Variants in BCAR3 observed in about 807,000 individuals in gnomAD.
The protein encoded by BCAR3 is BCAR3 adaptor protein, NSP family member, also known as breast cancer anti-estrogen resistance protein 3.
In BCAR3, 37 loss-of-function variants were observed where a neutral mutation model predicts 80.1. The observed-to-expected ratio is 0.46, with a 90% confidence interval of 0.36 to 0.61. The LOEUF is 0.61. Ranked by LOEUF, BCAR3 falls within the 20% of genes least tolerant of loss-of-function variation. The pLI is 0.00. For missense variants in BCAR3, 978 were observed against 1,068.2 expected (o/e 0.92, Z 1.18); for synonymous variants, 389 against 418.9 (o/e 0.93, Z 0.87).
rs138811422 is a variant in BCAR3 at position 93,674,639 on chromosome 1, G to A, written c.292C>T (p.Arg98Trp). 75 of 1,613,422 alleles carry A rather than the reference G, an allele frequency of 4.6e-5. No individual in the cohort carries two copies. The African/African-American group carries it at 4.9e-4, about 11-fold the overall frequency. The change falls in exon 2 of 12, where the codon CGG becomes TGG. Residue 98 changes from arginine (R) to tryptophan (W), a missense_variant. Coordinates refer to ENST00000260502, the MANE Select transcript of BCAR3 (RefSeq NM_003567.4). ...CTGAAGGTGAAGGTTTCGCCGTGCC[G>A]GTCCTGCCATGGGCTCTCCTGGATG... ...DGIQESPWQD[R>W]HGETFTFRDP...
At chr1:93,737,104 T>C (rs2100691312) in intron 2 of BCAR3, among the ~76,000 whole-genome samples, 1 of 152,298 alleles carries the variant, frequency 6.6e-6, no homozygotes, top group East Asian at 1.9e-4. Context: ...TTTTAAGTTG[T>C]GGAGTGCTGT....
chr1:93,804,571 C>T (rs1337272546), intron 2 of BCAR3, among the ~76,000 whole-genome samples: 1 of 152,106 alleles, frequency 6.6e-6, no homozygotes, highest in African/African-American at 2.4e-5. Context: ...TAGTGTGCAG[C>T]GCTGGACAAA....
At chr1:93,623,433 G>A (rs774575387) in intron 3 of BCAR3, among the ~76,000 whole-genome samples, 2 of 152,150 alleles carry the variant, frequency 1.3e-5, no homozygotes, top group African/African-American at 2.4e-5. Context: ...GAGTAAGCAG[G>A]TGAATGACAT....
At chr1:93,831,051 C>T (rs988903244) in intron 2 of BCAR3, among the ~76,000 whole-genome samples, 7 of 152,160 alleles carry the variant, frequency 4.6e-5, no homozygotes, top group Admixed American at 2.6e-4. Flanking sequence ...ACTCTGGTGG[C>T]GGTCACAGAC....
intron 2 of BCAR3, among the ~76,000 whole-genome samples, chr1:93,673,769 C>A (rs115755151): frequency 0.014 from 2,071 of 152,312 alleles, 34 homozygotes; most frequent in African/African-American, 0.039. Context: ...CTGAAGCTGA[C>A]CTGCTGGTGC....
rs192618144 is a variant in BCAR3, at chr1:93,713,045, A to T, written c.-62-6903T>A. ...CAGTAGAACTTTCTGTAATGATGAG[A>T]ATGTTCTCTGCACTGTCCACTATGG... On this transcript the variant is annotated intron_variant, in intron 2 of 13. Coordinates refer to the BCAR3 transcript ENST00000370244. Among the ~76,000 whole-genome samples, 246 of 152,336 alleles carry T rather than the reference A, an allele frequency of 1.6e-3. 1 individual carries two copies. The highest frequency in any genetic ancestry group is 5.7e-3 in the African/African-American group (236 of 41,574).
intron 2 of BCAR3, among the ~76,000 whole-genome samples, chr1:93,645,003 C>T (rs1676110684): frequency 1.3e-5 from 2 of 152,158 alleles, no homozygotes; most frequent in Admixed American, 6.5e-5. Context: ...TGCATATTTG[C>T]GTGAGAAACT....
intron 2 of BCAR3, chr1:93,845,502 A>ATATATGTTGTCAAG: frequency 8.8e-6 from 1 of 113,822 alleles, no homozygotes; most frequent in African/African-American, 3.5e-5. Flanking sequence ...ATATATATAT[A>ATATATGTTGTCAAG]AAACTTTGTT....
In BCAR3 at chr1:93,562,094, C is replaced by T; in HGVS notation, c.*147G>A. 1.4e-6 allele frequency: 1 copy of T among 723,558 alleles called. No homozygotes were observed. The highest frequency in any genetic ancestry group is 2.1e-6 in the Non-Finnish European group (1 of 470,338). 44.8% of individuals were successfully genotyped at this position (723,558 alleles called of 1,614,324 possible). On this transcript the variant is annotated 3_prime_UTR_variant, in exon 12 of 12. Transcript: ENST00000260502. ...AATTCATAAATAAGTGTGCTCTGTG[C>T]AATTTACACGTTTAATATCCTGTGG...
At chr1:93,576,990 C>T (rs1273504077) in intron 7 of BCAR3, among the ~76,000 whole-genome samples, 1 of 151,990 alleles carries the variant, frequency 6.6e-6, no homozygotes, top group African/African-American at 2.4e-5. Flanking sequence ...CCCATCTTTA[C>T]AAAAAAATTA....
At chr1:93,748,220 T>C (rs12130017) in intron 2 of BCAR3, among the ~76,000 whole-genome samples, 17,802 of 152,138 alleles carry the variant, frequency 0.12, 1,460 homozygotes, top group African/African-American at 0.22. Flanking sequence ...GAGGGCAGAG[T>C]CAGCTGAATG....
intron 2 of BCAR3, among the ~76,000 whole-genome samples, chr1:93,645,367 C>T (rs1414232177): frequency 6.6e-6 from 1 of 152,072 alleles, no homozygotes; most frequent in Non-Finnish European, 1.5e-5. Context: ...GGTTTTATGG[C>T]ACCTCTACTT....
intron 2 of BCAR3, among the ~76,000 whole-genome samples, chr1:93,774,483 C>CA (rs368408896): frequency 0.39 from 48,981 of 124,202 alleles, 8,781 homozygotes; most frequent in East Asian, 0.55. Context: ...GATTCTGTTT[C>CA]AAAAAAAAAA....
chr1:93,681,218 G>T (rs969004849), intron 1 of BCAR3: 2 of 152,230 alleles, frequency 1.3e-5, no homozygotes, highest in Non-Finnish European at 2.9e-5. Flanking sequence ...GGACAGGGCG[G>T]GGTGGCCGGC....
intron 2 of BCAR3, among the ~76,000 whole-genome samples, chr1:93,817,587 T>C (rs562775644): frequency 1.6e-4 from 24 of 152,328 alleles, no homozygotes; most frequent in African/African-American, 5.5e-4. Context: ...CTCTAAAGCC[T>C]GTGCCCTTAG....
Position 93,589,028 on chromosome 1 carries a change from A to C in BCAR3, c.878T>G (p.Met293Arg). 6.2e-7 allele frequency: 1 copy of C among 1,604,498 alleles called. No individual in the cohort carries two copies. Among genetic ancestry groups the C allele is most frequent in the Non-Finnish European group, 8.5e-7 (1 of 1,173,172 alleles). ...PDVAKRLSLT[M>R]GGVQAREQNL... ...CTGCTCTCGGGCCTGGACGCCACCC[A>C]TGGTGAGGCTCAGCCTCTTGGCCAC... The change falls in exon 5 of 12, where the codon ATG becomes AGG. Residue 293 changes from methionine to arginine, a missense_variant. Met to Arg is a moderately conservative substitution (Grantham distance 91). Transcript: ENST00000260502.
At chr1:93,699,441 C>A (rs1649557143) in intron 3 of BCAR3, among the ~76,000 whole-genome samples, 1 of 152,144 alleles carries the variant, frequency 6.6e-6, no homozygotes, top group Admixed American at 6.5e-5. Flanking sequence ...CCTTGCCTCC[C>A]CAACCCCAAC....
chr1:93,565,215 T>G (rs1405130117), intron 11 of BCAR3, among the ~76,000 whole-genome samples: 3 of 152,078 alleles, frequency 2.0e-5, no homozygotes, highest in Non-Finnish European at 4.4e-5. Context: ...GTATTCCCTC[T>G]CAAAATTCCC....
At chr1:93,583,224 G>C (rs1673791994) in intron 6 of BCAR3, among the ~76,000 whole-genome samples, 1 of 152,186 alleles carries the variant, frequency 6.6e-6, no homozygotes, top group Non-Finnish European at 1.5e-5. Context: ...TACAAATGTT[G>C]TATGGTCATA....
Sources: gnomAD v4.1 joint callset for allele counts (sites outside exome capture counted in the v4.1 genomes callset) on GRCh38, gnomAD v4.1.1 for gene constraint, MANE v1.5 for transcripts, NCBI Gene and HGNC (gene_info 2026-07-23, HGNC 2026-07-21) for gene names.